Variants in MSH4 observed in about 807,000 individuals in gnomAD.
MSH4 encodes mutS protein homolog 4.
Under a neutral mutation model 113.7 loss-of-function variants are expected in MSH4, and 106 were observed. The observed-to-expected ratio is 0.93, with a 90% CI of 0.80 to 1.10. The LOEUF (loss-of-function observed/expected upper bound fraction) is 1.10. Ranked by LOEUF, MSH4 falls within the 50% of genes least tolerant of loss-of-function variation. The pLI is 0.00. For synonymous variants in MSH4, 368 were observed against 380.2 expected, an observed-to-expected ratio of 0.97 and a Z score of 0.37; for missense variants, 1,061 against 1,093.7, an observed-to-expected ratio of 0.97 and a Z score of 0.42.
chr1:75,907,010 C>T (rs1571003523), intron 19 of MSH4, among the ~76,000 whole-genome samples: 1 of 151,710 alleles, frequency 6.6e-6, no homozygotes, highest in African/African-American at 2.4e-5. Context: ...ATAAATGTGT[C>T]TTATAGTCTT....
intron 7 of MSH4, among the ~76,000 whole-genome samples, chr1:75,840,906 A>C (rs5745390): frequency 0.21 from 31,311 of 152,016 alleles, 3,556 homozygotes; most frequent in Middle Eastern, 0.3. Context: ...ATGGGAACAC[A>C]GAGAAGGGAG....
At chr1:75,798,148 A>G (rs1263392531) in intron 1 of MSH4, among the ~76,000 whole-genome samples, 3 of 152,148 alleles carry the variant, frequency 2.0e-5, no homozygotes, top group African/African-American at 7.2e-5. Context: ...TATTTTTAGA[A>G]ACAGAGTCTC....
chr1:75,877,770 C>T lies in MSH4; in HGVS notation c.1371-379C>T, dbSNP rs188878071. ...TTCTTCTCTGAATCTCTTCACCTAG[C>T]ACAGTGCTTGATACATGGTGTACAT... On this transcript the variant is annotated intron_variant, in intron 10 of 19. Transcript: ENST00000263187. Among the ~76,000 whole-genome samples the T allele has an allele frequency of 1.9e-4, 29 of 152,298 alleles. 1 individual carries two copies. Among genetic ancestry groups the T allele is most frequent in the East Asian group, 7.7e-4 (4 of 5,186 alleles).
At chr1:75,807,245 A>G (rs1350763403) in intron 3 of MSH4, 104 bp downstream of exon 3, 1 of 820,004 alleles carries the variant, frequency 1.2e-6, no homozygotes, top group East Asian at 3.0e-5. Flanking sequence ...AATAAAGGTT[A>G]TTCATTATTA....
At chr1:75,838,799 C>G (rs1650888562) in intron 7 of MSH4, among the ~76,000 whole-genome samples, 1 of 152,186 alleles carries the variant, frequency 6.6e-6, no homozygotes, top group Non-Finnish European at 1.5e-5. Flanking sequence ...TTCTCCCAGG[C>G]TTCTCTAGCT....
intron 7 of MSH4, among the ~76,000 whole-genome samples, chr1:75,840,807 C>T (rs1421882559): frequency 6.6e-6 from 1 of 152,110 alleles, no homozygotes; most frequent in African/African-American, 2.4e-5. Flanking sequence ...TATCTGTCCT[C>T]AAGGACCTCA....
At chr1:75,820,352 T>G (rs5745381) in intron 6 of MSH4, among the ~76,000 whole-genome samples, 32,984 of 152,176 alleles carry the variant, frequency 0.22, 3,796 homozygotes, top group Middle Eastern at 0.3. Context: ...TTAGGGAGGA[T>G]TCCCTCTTTT....
Position 75,810,754 on chromosome 1 carries a change from T to A in MSH4, c.646T>A (p.Cys216Ser). The A allele has an allele frequency of 6.3e-7, 1 of 1,591,888 alleles. No homozygotes were observed. The highest frequency in any genetic ancestry group is 8.5e-7 in the Non-Finnish European group (1 of 1,171,510). ...PLEIIMSNTA[C>S]AVGNSTKLFT... Reference sequence around the variant, plus strand: ...GGAAATAATAATGTCAAATACTGCTTGTGCTGTGGGGAATTCCACCAAGTT... The same window carrying A: ...GGAAATAATAATGTCAAATACTGCTAGTGCTGTGGGGAATTCCACCAAGTT... Residue 216 changes from cysteine to serine, a missense_variant, in exon 4 of 20, where the codon TGT becomes AGT. Coordinates refer to ENST00000263187, the MANE Select transcript of MSH4 (RefSeq NM_002440.4).
rs1229013442 is a variant in MSH4 at position 75,867,367 on chromosome 1, T to C, written c.1231-147T>C. On this transcript the variant is annotated intron_variant, in intron 8 of 19. Transcript: ENST00000263187. Reference sequence around the variant, plus strand: ...GTTAATTATGGTGGGTCAATAATTTTGTATCATTCTTTAGGCTTGCATTGC... The same window carrying C: ...GTTAATTATGGTGGGTCAATAATTTCGTATCATTCTTTAGGCTTGCATTGC... The C allele has an allele frequency of 9.1e-6, 5 of 549,912 alleles. No individual in the cohort carries two copies. The East Asian group carries it at 1.3e-4, about 15-fold the overall frequency. 34.1% of individuals were successfully genotyped at this position (549,912 alleles called of 1,614,324 possible). A position where few individuals can be genotyped will look rare whatever the true frequency, so the allele number is the denominator to read the frequency against.
chr1:75,812,565 G>C (rs1315178699), intron 4 of MSH4, among the ~76,000 whole-genome samples: 1 of 152,044 alleles, frequency 6.6e-6, no homozygotes, highest in African/African-American at 2.4e-5. Flanking sequence ...CTGGTGGCAC[G>C]CGCCTGTAGT....
At chr1:75,847,200 C>T (rs141297280) in intron 7 of MSH4, among the ~76,000 whole-genome samples, 148 of 152,338 alleles carry the variant, frequency 9.7e-4, no homozygotes, top group African/African-American at 3.4e-3. Context: ...GATCCTACCT[C>T]TCAAGACAGT....
chr1:75,855,383 C>T (rs1651294426), intron 8 of MSH4, among the ~76,000 whole-genome samples: 2 of 152,106 alleles, frequency 1.3e-5, no homozygotes, highest in Non-Finnish European at 2.9e-5. Flanking sequence ...ATGAATTGCA[C>T]ATCCTAAAAT....
At chr1:75,882,590 T>G (rs1651957432) in intron 14 of MSH4, among the ~76,000 whole-genome samples, 1 of 151,406 alleles carries the variant, frequency 6.6e-6, no homozygotes, top group African/African-American at 2.4e-5. Context: ...TTTGATTTTA[T>G]TCTATAATCA....
At chr1:75,870,756 G>A (rs1201694134) in intron 9 of MSH4, among the ~76,000 whole-genome samples, 1 of 151,960 alleles carries the variant, frequency 6.6e-6, no homozygotes, top group Non-Finnish European at 1.5e-5. Flanking sequence ...CCCAGTCTTG[G>A]GTATGTCTTT....
At chr1:75,843,217 A>C (rs1204779221) in intron 7 of MSH4, among the ~76,000 whole-genome samples, 1 of 152,142 alleles carries the variant, frequency 6.6e-6, no homozygotes, top group Non-Finnish European at 1.5e-5. Flanking sequence ...TATCCAATAA[A>C]TAACAGCGCA....
intron 8 of MSH4, among the ~76,000 whole-genome samples, chr1:75,851,789 C>T (rs562570121): frequency 2.9e-4 from 44 of 152,262 alleles, no homozygotes; most frequent in Middle Eastern, 3.4e-3. Flanking sequence ...TTTCCCTCTT[C>T]CCTACCATTA....
chr1:75,883,741 TG>T lies in MSH4; in HGVS notation c.2028del (p.Ile677SerfsTer2). 6.2e-7 allele frequency: 1 copy of T among 1,613,484 alleles called. No homozygotes were observed. Among genetic ancestry groups the T allele is most frequent in the Non-Finnish European group, 8.5e-7 (1 of 1,179,666 alleles). On this transcript the variant is annotated frameshift_variant, in exon 15 of 20. Transcript: ENST00000263187. LOFTEE classifies it high-confidence loss of function. ...NTYVTEGSNF[L>X]IITGPNMSGK... ...TATGTTACAGAAGGGAGTAATTTTT[TG>T]ATCATAACTGGACCAAACATGAGTG...
chr1:75,824,463 G>A (rs1026474421), intron 7 of MSH4, among the ~76,000 whole-genome samples: 1 of 152,126 alleles, frequency 6.6e-6, no homozygotes, highest in African/African-American at 2.4e-5. Flanking sequence ...CTGAGCAGAA[G>A]CGCTTTAGTT....
rs1652136402 is a variant in MSH4 at position 75,886,866 on chromosome 1, A to AT, written c.2108-2382dup. Among the ~76,000 whole-genome samples the AT allele has an allele frequency of 2.1e-5, 3 of 144,912 alleles. 1 individual carries two copies. The South Asian group carries it at 6.3e-4, about 31-fold the overall frequency. ...ATATATATATATATATTACCTTCAC[A>AT]TTTATTTCACATTTATTCTCCTAGA... On this transcript the variant is annotated intron_variant, in intron 15 of 19. Transcript: ENST00000263187.
Sources: gnomAD v4.1 joint callset for allele counts (sites outside exome capture counted in the v4.1 genomes callset) on GRCh38, gnomAD v4.1.1 for gene constraint, MANE v1.5 for transcripts, NCBI Gene and HGNC (gene_info 2026-07-23, HGNC 2026-07-21) for gene names.